Variants in CDS2 observed in about 807,000 individuals in gnomAD.
The protein encoded by CDS2 is phosphatidate cytidylyltransferase 2.
Under a neutral mutation model 59.0 loss-of-function variants are expected in CDS2, and 47 were observed. That is an observed-to-expected ratio of 0.80 (90% CI 0.63 to 1.02). The LOEUF (loss-of-function observed/expected upper bound fraction) is 1.02, where lower values mean the gene tolerates loss of function less well. Among genes scored for constraint, CDS2 ranks in the 50% least tolerant of loss-of-function variants. The pLI is 0.00. For synonymous variants in CDS2, 207 were observed against 206.4 expected (o/e 1.00, Z -0.02); for missense variants, 356 against 558.9 (o/e 0.64, Z 3.66).
intron 1 of CDS2, among the ~76,000 whole-genome samples, chr20:5,153,098 G>A (rs79817607): frequency 0.025 from 3,828 of 152,122 alleles, 67 homozygotes; most frequent in East Asian, 0.08. Flanking sequence ...GGCTAGTTTT[G>A]AACTTTGATC....
At chr20:5,165,850 TTAAG>T (rs1366531105) in intron 1 of CDS2, among the ~76,000 whole-genome samples, 9 of 152,132 alleles carry the variant, frequency 5.9e-5, no homozygotes, top group Non-Finnish European at 1.2e-4. Context: ...TGCAGACTGT[TTAAG>T]TAGGAACACA....
chr20:5,175,351 G>C, intron 3 of CDS2, 72 bp downstream of exon 3: 2 of 1,217,670 alleles, frequency 1.6e-6, no homozygotes, highest in Non-Finnish European at 2.4e-6. Context: ...TTAAGTGCGA[G>C]GTGTTGGGTT....
chr20:5,181,763 A>G (rs1331866029), intron 5 of CDS2, among the ~76,000 whole-genome samples: 1 of 152,224 alleles, frequency 6.6e-6, no homozygotes, highest in African/African-American at 2.4e-5. Context: ...CTCTTAGAGT[A>G]CAAACCTGTA....
intron 9 of CDS2, among the ~76,000 whole-genome samples, chr20:5,186,303 T>C (rs1023420024): frequency 6.6e-5 from 10 of 152,164 alleles, no homozygotes; most frequent in Non-Finnish European, 1.5e-5. Flanking sequence ...TTGTTCCTCC[T>C]GAGATCTGCC....
At chr20:5,151,928 C>T (rs1384872975) in intron 1 of CDS2, among the ~76,000 whole-genome samples, 1 of 151,064 alleles carries the variant, frequency 6.6e-6, no homozygotes, top group Non-Finnish European at 1.5e-5. Flanking sequence ...CCATGCCCCG[C>T]TAATTTTGTA....
intron 1 of CDS2, among the ~76,000 whole-genome samples, chr20:5,138,826 G>C (rs1028276990): frequency 1.1e-4 from 17 of 151,932 alleles, no homozygotes; most frequent in African/African-American, 4.1e-4. Flanking sequence ...AGCCAAGATC[G>C]CACCACTGCA....
intron 1 of CDS2, among the ~76,000 whole-genome samples, chr20:5,132,800 T>C (rs6053136): frequency 0.038 from 5,757 of 152,284 alleles, 359 homozygotes; most frequent in African/African-American, 0.13. Flanking sequence ...GATTTTTGAC[T>C]ATTTAAAATT....
intron 1 of CDS2, among the ~76,000 whole-genome samples, chr20:5,144,208 T>C (rs1306435925): frequency 1.3e-5 from 2 of 152,228 alleles, no homozygotes; most frequent in African/African-American, 4.8e-5. Context: ...TCTGTAGATA[T>C]AATCTACATA....
chr20:5,174,891 A>G (rs1439798274), intron 2 of CDS2, among the ~76,000 whole-genome samples: 1 of 152,210 alleles, frequency 6.6e-6, no homozygotes, highest in Non-Finnish European at 1.5e-5. Flanking sequence ...TGGATACAGA[A>G]GCAGAGGGCA....
chr20:5,132,457 TAGA>T (rs1160947074), intron 1 of CDS2, among the ~76,000 whole-genome samples: 4 of 152,206 alleles, frequency 2.6e-5, no homozygotes, highest in Non-Finnish European at 5.9e-5. Flanking sequence ...GCTTTAACTG[TAGA>T]AGGACCACTG....
chr20:5,190,693 T>C lies in CDS2; in HGVS notation c.*459T>C, dbSNP rs2091107414. 6.6e-6 allele frequency: 1 copy of C among 152,002 alleles called. No homozygotes were observed. The highest frequency in any genetic ancestry group is 6.6e-5 in the Admixed American group (1 of 15,242). The allele number at this position is 152,002 out of a possible 1,614,324, so 9.4% of individuals were successfully genotyped here. ...TTGTACACCTGGTCTTTTCTAGAAA[T>C]CCCTGCTTGGAGCTGCAGAAGGGTT... On this transcript the variant is annotated 3_prime_UTR_variant, in exon 13 of 13. Coordinates refer to ENST00000460006, the MANE Select transcript of CDS2 (RefSeq NM_003818.4).
intron 5 of CDS2, among the ~76,000 whole-genome samples, chr20:5,180,587 G>C (rs2091026993): frequency 6.6e-6 from 1 of 152,024 alleles, no homozygotes; most frequent in African/African-American, 2.4e-5. Context: ...GAGGGGTTTG[G>C]CCAGCTTCTT....
intron 1 of CDS2, among the ~76,000 whole-genome samples, chr20:5,134,149 C>T (rs576644074): frequency 3.3e-5 from 5 of 152,238 alleles, no homozygotes; most frequent in South Asian, 2.1e-4. Context: ...TGGGAGTGGC[C>T]ACTCTGGTAT....
chr20:5,152,969 A>G (rs1354619360), intron 1 of CDS2, among the ~76,000 whole-genome samples: 4 of 152,200 alleles, frequency 2.6e-5, no homozygotes, highest in African/African-American at 7.2e-5. Context: ...TTAGGTTCTC[A>G]TCTGTAAAAG....
intron 10 of CDS2, among the ~76,000 whole-genome samples, chr20:5,188,272 A>G (rs1203218083): frequency 2.6e-5 from 4 of 152,224 alleles, no homozygotes; most frequent in Admixed American, 2.6e-4. Flanking sequence ...AAGAGAGAAC[A>G]AAGTCCATTG....
chr20:5,185,694 T>C lies in CDS2; in HGVS notation c.760-64T>C, dbSNP rs1324693308. Reference sequence around the variant, plus strand: ...TGAAAGAAAGGTTCTTAACAAGTAATCATTGTTCGCAAAGCTATAGTTATC... The same window carrying C: ...TGAAAGAAAGGTTCTTAACAAGTAACCATTGTTCGCAAAGCTATAGTTATC... On this transcript the variant is annotated intron_variant, in intron 8 of 12. Coordinates refer to ENST00000460006, the MANE Select transcript of CDS2 (RefSeq NM_003818.4). 5.7e-6 allele frequency: 8 copies of C among 1,407,562 alleles called. No individual in the cohort carries two copies. The East Asian group carries it at 1.8e-4, about 32-fold the overall frequency. 87.2% of individuals were successfully genotyped at this position (1,407,562 alleles called of 1,614,324 possible).
chr20:5,136,737 T>G (rs1212741118), intron 1 of CDS2, among the ~76,000 whole-genome samples: 1 of 152,124 alleles, frequency 6.6e-6, no homozygotes, highest in Non-Finnish European at 1.5e-5. Context: ...TTCTGGCTCT[T>G]TTTCATAATG....
intron 5 of CDS2, among the ~76,000 whole-genome samples, chr20:5,179,835 C>T (rs568711625): frequency 2.6e-5 from 4 of 152,276 alleles, no homozygotes; most frequent in South Asian, 4.1e-4. Flanking sequence ...GGTAAGGCCA[C>T]GTACTAATTC....
chr20:5,136,935 C>T (rs2090654120), intron 1 of CDS2, among the ~76,000 whole-genome samples: 2 of 152,046 alleles, frequency 1.3e-5, no homozygotes, highest in South Asian at 2.1e-4. Flanking sequence ...CAATCCTCAC[C>T]AGCCTCCCAC....
Sources: gnomAD v4.1 joint callset for allele counts (sites outside exome capture counted in the v4.1 genomes callset) on GRCh38, gnomAD v4.1.1 for gene constraint, MANE v1.5 for transcripts, NCBI Gene and HGNC (gene_info 2026-07-23, HGNC 2026-07-21) for gene names.